Variants in PADI3 observed in about 807,000 individuals in gnomAD.
The protein encoded by PADI3 is protein-arginine deiminase type-3.
PADI3 carries 53 observed loss-of-function variants against 71.5 expected under a neutral mutation model. The observed-to-expected ratio is 0.74, with a 90% CI of 0.59 to 0.93. PADI3 has a LOEUF of 0.93. Ranked by LOEUF, PADI3 falls within the 40% of genes least tolerant of loss-of-function variation. PADI3 has a pLI of 0.00. For missense variants in PADI3, 821 were observed against 868.0 expected, an observed-to-expected ratio of 0.95 and a Z score of 0.68; for synonymous variants, 361 against 347.5, an observed-to-expected ratio of 1.04 and a Z score of -0.43.
intron 1 of PADI3, among the ~76,000 whole-genome samples, chr1:17,257,031 C>CA (rs967292996): frequency 0.1 from 3,868 of 37,652 alleles, 198 homozygotes; most frequent in East Asian, 0.17. Context: ...GACTCTGTCT[C>CA]AAAAAAAAAA....
At chr1:17,272,881 A>C (rs973728610) in intron 9 of PADI3, among the ~76,000 whole-genome samples, 2 of 152,188 alleles carry the variant, frequency 1.3e-5, no homozygotes, top group African/African-American at 4.8e-5. Flanking sequence ...CAGGCATGTC[A>C]TGAGGATGAA....
chr1:17,268,498 C>CTTTTTTTTTTT lies in PADI3; in HGVS notation c.652+553_652+563dup, dbSNP rs564947321. Among the ~76,000 whole-genome samples, 18 of 89,414 alleles carry CTTTTTTTTTTT rather than the reference C, an allele frequency of 2.0e-4. 1 individual carries two copies. The highest frequency in any genetic ancestry group is 8.0e-4 in the African/African-American group (17 of 21,224). 58.7% of individuals were successfully genotyped at this position (89,414 alleles called of 152,430 possible). On this transcript the variant is annotated intron_variant, in intron 6 of 15. Coordinates refer to ENST00000375460, the MANE Select transcript of PADI3 (RefSeq NM_016233.2). ...AAAAATGTATACAAGTAATAAGATG[C>CTTTTTTTTTTT]TTTTTTTTTTTTTTTTTTTTTTTTT...
Position 17,259,620 on chromosome 1 carries a change from G to A in PADI3, c.135G>A (p.Thr45=), listed in dbSNP as rs762348389. The stretch of plus-strand genomic sequence containing the variant: ...CAGAAATGTTTGAGGTCTATGGGAC[G>A]CCTGGCGTGGACATCTACATCTCTC... The part of the protein sequence containing the change: ...EGTEMFEVYG[T]PGVDIYISPN... The change falls in exon 2 of 16, where the codon ACG becomes ACA. Residue 45 remains threonine, a synonymous_variant. Coordinates refer to ENST00000375460, the MANE Select transcript of PADI3 (RefSeq NM_016233.2). 69 of 1,612,704 alleles carry A rather than the reference G, an allele frequency of 4.3e-5. No homozygotes were observed. The highest frequency in any genetic ancestry group is 5.3e-5 in the African/African-American group (4 of 74,896).
At position 17,275,830 on chromosome 1, in the gene PADI3, A is replaced by C. The variant is rs144005303; in HGVS notation, c.1308-689A>C. Among the ~76,000 whole-genome samples the C allele has an allele frequency of 4.9e-3, 753 of 152,356 alleles. 5 individuals are homozygous for C. Among genetic ancestry groups the C allele is most frequent in the African/African-American group, 0.017 (722 of 41,572 alleles). ...CTACTGCCCTCAAATACATAATCCC[A>C]TTGAAAGAGGAAGCTGGACCATGCC... On this transcript the variant is annotated intron_variant, in intron 11 of 15. Transcript: ENST00000375460.
At chr1:17,269,052 A>T (rs547757219) in intron 6 of PADI3, among the ~76,000 whole-genome samples, 2 of 145,440 alleles carry the variant, frequency 1.4e-5, no homozygotes, top group East Asian at 2.0e-4. Flanking sequence ...CACCCTGCTA[A>T]TTTTTTTTTT....
chr1:17,278,603 G>C (rs1281609215), intron 13 of PADI3, among the ~76,000 whole-genome samples: 2 of 152,004 alleles, frequency 1.3e-5, no homozygotes, highest in South Asian at 4.2e-4. Flanking sequence ...GGCTGGACTG[G>C]AGTCATCTGG....
In PADI3 at chr1:17,265,690, G is replaced by A. The variant is rs12032160; in HGVS notation, c.378G>A (p.Glu126=). The A allele has an allele frequency of 3.7e-6, 6 of 1,614,192 alleles. No individual in the cohort carries two copies. In the South Asian group the frequency reaches 5.5e-5, roughly 15 times the overall value. ...DISLDCDLNC[E]GRQDRNFVDK... is the part of the protein sequence containing the mutation. ...CTCTGGATTGCGACCTGAACTGTGA[G>A]GGAAGGCAGGACAGGAACTTTGTAG... The change falls in exon 4 of 16, where the codon GAG becomes GAA. Residue 126 remains glutamate, a synonymous_variant. Transcript: ENST00000375460.
chr1:17,279,483 G>T (rs1248602796), intron 13 of PADI3, among the ~76,000 whole-genome samples: 1 of 152,200 alleles, frequency 6.6e-6, no homozygotes, highest in Non-Finnish European at 1.5e-5. Flanking sequence ...CTGGGGTGAA[G>T]CGGGCGTTAG....
chr1:17,280,370 A>C lies in PADI3; in HGVS notation c.1576A>C (p.Ile526Leu), dbSNP rs75411773. The change falls in exon 14 of 16, where the codon ATC becomes CTC. Residue 526 changes from isoleucine (I) to leucine (L), a missense_variant. Coordinates refer to ENST00000375460, the MANE Select transcript of PADI3 (RefSeq NM_016233.2). ...GVVDDEQVKT[I>L]SINQVLSNKD... Reference sequence around the variant, plus strand: ...CACAGATGATGAGCAGGTCAAGACCATCTCCATCAACCAGGTGCTCTCCAA... The same window carrying C: ...CACAGATGATGAGCAGGTCAAGACCCTCTCCATCAACCAGGTGCTCTCCAA... The C allele has an allele frequency of 4.3e-6, 7 of 1,613,860 alleles. No individual in the cohort carries two copies. The African/African-American group carries it at 6.7e-5, about 15-fold the overall frequency.
chr1:17,260,953 C>G (rs1004863304), intron 2 of PADI3, among the ~76,000 whole-genome samples: 1 of 152,172 alleles, frequency 6.6e-6, no homozygotes, highest in Non-Finnish European at 1.5e-5. Context: ...CTCTCCCACT[C>G]TTTCCCTCAC....
intron 10 of PADI3, among the ~76,000 whole-genome samples, 169 bp downstream of exon 10, chr1:17,273,616 C>A (rs1173356069): frequency 6.6e-6 from 1 of 152,146 alleles, no homozygotes; most frequent in Non-Finnish European, 1.5e-5. Flanking sequence ...GAATTTCAGA[C>A]AAGCAACAGG....
intron 1 of PADI3, among the ~76,000 whole-genome samples, chr1:17,250,609 G>T (rs1226235791): frequency 2.0e-5 from 3 of 152,180 alleles, no homozygotes; most frequent in Non-Finnish European, 2.9e-5. Flanking sequence ...GGTATTGGTG[G>T]GTGGGCAGTA....
At chr1:17,268,047 T>A in intron 6 of PADI3, 85 bp downstream of exon 6, 1 of 1,524,882 alleles carries the variant, frequency 6.6e-7, no homozygotes, top group Non-Finnish European at 9.0e-7. Flanking sequence ...CCTTGGGCCA[T>A]GGGCAGGTCC....
At position 17,271,303 on chromosome 1, in the gene PADI3, C is replaced by G. The variant is rs906215717; in HGVS notation, c.1047+125C>G. The G allele has an allele frequency of 2.5e-5, 19 of 750,800 alleles. No individual in the cohort carries two copies. The East Asian group carries it at 5.1e-4, about 20-fold the overall frequency. The allele number at this position is 750,800 out of a possible 1,614,324, so 46.5% of individuals were successfully genotyped here. The stretch of plus-strand genomic sequence containing the variant: ...CTCCCCAGGGAACTTGCTGCCGTTT[C>G]TAATGTGAGACCTAGAGGCTTCTCT... On this transcript the variant is annotated intron_variant, in intron 9 of 15. Coordinates refer to ENST00000375460, the MANE Select transcript of PADI3 (RefSeq NM_016233.2).
rs55649122 is a variant in PADI3 at position 17,252,400 on chromosome 1, C to CTT, written c.92+3186_92+3187dup. Among the ~76,000 whole-genome samples the CTT allele has an allele frequency of 2.9e-3, 341 of 118,974 alleles. 2 individuals carry two copies. Among genetic ancestry groups the CTT allele is most frequent in the South Asian group, 0.022 (87 of 3,992 alleles). 78.1% of individuals were successfully genotyped at this position (118,974 alleles called of 152,430 possible). A position where few individuals can be genotyped will look rare whatever the true frequency, so the allele number is the denominator to read the frequency against. ...AAGAAAGCTGCTTTCTTTTCTTCTT[C>CTT]TTTTTTTTTTTTTTTTGTTGAAGAC... On this transcript the variant is annotated intron_variant, in intron 1 of 15. Coordinates refer to ENST00000375460, the MANE Select transcript of PADI3 (RefSeq NM_016233.2).
At chr1:17,277,496 C>T (rs1172115332) in intron 13 of PADI3, among the ~76,000 whole-genome samples, 3 of 152,078 alleles carry the variant, frequency 2.0e-5, no homozygotes, top group Non-Finnish European at 4.4e-5. Context: ...CACCTGGCTG[C>T]CCTGAAATCT....
chr1:17,253,797 A>G (rs2072995171), intron 1 of PADI3, among the ~76,000 whole-genome samples: 1 of 152,116 alleles, frequency 6.6e-6, no homozygotes, highest in Admixed American at 6.5e-5. Context: ...CAGGACTCCA[A>G]GTTTTGGTCC....
At chr1:17,261,167 C>G (rs1449670579) in intron 2 of PADI3, among the ~76,000 whole-genome samples, 1 of 152,142 alleles carries the variant, frequency 6.6e-6, no homozygotes, top group Admixed American at 6.5e-5. Context: ...AGAGTTGAGA[C>G]ACCCATGTCA....
intron 15 of PADI3, among the ~76,000 whole-genome samples, chr1:17,281,368 G>C (rs1308195022): frequency 6.6e-6 from 1 of 152,242 alleles, no homozygotes; most frequent in Non-Finnish European, 1.5e-5. Flanking sequence ...GGAGATCCAG[G>C]AAGTCTTCAT....
Sources: allele counts gnomAD v4.1 joint callset (sites outside exome capture counted in the v4.1 genomes callset), GRCh38; gene constraint gnomAD v4.1.1; transcripts MANE v1.5; gene names NCBI Gene and HGNC (gene_info 2026-07-23, HGNC 2026-07-21).